The following PROSER2 variants were observed in gnomAD, a reference collection of about 807,000 sequenced individuals.
The protein encoded by PROSER2 is proline and serine rich 2.
PROSER2 carries 18 observed loss-of-function variants against 14.6 expected under a neutral mutation model. The observed-to-expected ratio is 1.23, with a 90% CI of 0.85 to 1.83. The LOEUF is 1.83. Ranked by LOEUF, PROSER2 falls within the 40% of genes most tolerant of loss-of-function variation. The pLI is 0.00. For missense variants in PROSER2, 823 were observed against 629.8 expected, an observed-to-expected ratio of 1.31 and a Z score of -3.28; for synonymous variants, 367 against 286.4, an observed-to-expected ratio of 1.28 and a Z score of -2.84.
At chr10:11,835,298 T>C (rs1833745698) in intron 1 of PROSER2, among the ~76,000 whole-genome samples, 1 of 151,918 alleles carries the variant, frequency 6.6e-6, no homozygotes, top group South Asian at 2.1e-4. Flanking sequence ...GCAACTTTAG[T>C]GTGGTGGGGA....
Position 11,869,378 on chromosome 10 carries a change from C to G in PROSER2, c.392-112C>G. 1.4e-6 allele frequency: 1 copy of G among 740,422 alleles called. No individual in the cohort carries two copies. Among genetic ancestry groups the G allele is most frequent in the Non-Finnish European group, 2.3e-6 (1 of 425,982 alleles). 45.9% of individuals were successfully genotyped at this position (740,422 alleles called of 1,614,324 possible). On this transcript the variant is annotated intron_variant, in intron 3 of 3. Coordinates refer to ENST00000277570, the MANE Select transcript of PROSER2 (RefSeq NM_153256.4). The surrounding 1 kb of genome is among the most constrained non-coding windows in gnomAD (Gnocchi z 4.4). Reference sequence around the variant, plus strand: ...GGAGTTGACTCACAGGCAGCACCGGCGAAGTTGGTGTCAGGTCCAGGTTGA... The same window carrying G: ...GGAGTTGACTCACAGGCAGCACCGGGGAAGTTGGTGTCAGGTCCAGGTTGA...
At chr10:11,852,835 G>A (rs141169209) in intron 2 of PROSER2, among the ~76,000 whole-genome samples, 4,810 of 151,758 alleles carry the variant, frequency 0.032, 114 homozygotes, top group Middle Eastern at 0.048. Flanking sequence ...CAAAGTGCTG[G>A]GATTATAGGC....
intron 1 of PROSER2, among the ~76,000 whole-genome samples, chr10:11,825,217 G>A (rs1833595104): frequency 6.6e-6 from 1 of 150,670 alleles, no homozygotes; most frequent in Non-Finnish European, 1.5e-5. Context: ...GGAAGGGCCT[G>A]CGTAGAGCAG....
rs1472306264 is a variant in PROSER2 at position 11,830,830 on chromosome 10, C to T, written c.-82+7360C>T. 6.6e-6 allele frequency among the ~76,000 whole-genome samples: 1 copy of T among 152,184 alleles called. No individual in the cohort carries two copies. The highest frequency in any genetic ancestry group is 1.5e-5 in the Non-Finnish European group (1 of 68,044). ...TAAAACTGGGTAATGCCTTTGTGCCCACAGGCTTGGATTGACTTGAGGAAT... is the reference window on the plus strand; with the variant it reads ...TAAAACTGGGTAATGCCTTTGTGCCTACAGGCTTGGATTGACTTGAGGAAT... On this transcript the variant is annotated intron_variant, in intron 1 of 3. Coordinates refer to ENST00000277570, the MANE Select transcript of PROSER2 (RefSeq NM_153256.4). This position sits in a 1 kb window ranked among gnomAD's most constrained non-coding sequence, Gnocchi z 4.5.
intron 2 of PROSER2, among the ~76,000 whole-genome samples, chr10:11,857,743 T>TTAA (rs1554767520): frequency 1.5e-4 from 16 of 106,548 alleles, no homozygotes; most frequent in Middle Eastern, 4.5e-3. Context: ...AGACCCCATC[T>TTAA]AAAAAAAAAA....
chr10:11,870,544 A>G lies in PROSER2; in HGVS notation c.*138A>G. 1.4e-6 allele frequency: 1 copy of G among 723,820 alleles called. No individual in the cohort carries two copies. The highest frequency in any genetic ancestry group is 2.1e-6 in the Non-Finnish European group (1 of 481,032). The allele number at this position is 723,820 out of a possible 1,614,324, so 44.8% of individuals were successfully genotyped here. A position where few individuals can be genotyped will look rare whatever the true frequency, so the allele number is the denominator to read the frequency against. Reference sequence around the variant, plus strand: ...TGCCCTCTGTGGCACATCGGAGTCTAGAGGTGCCTGGCTGGGGCCTCCTGG... The same window carrying G: ...TGCCCTCTGTGGCACATCGGAGTCTGGAGGTGCCTGGCTGGGGCCTCCTGG... On this transcript the variant is annotated 3_prime_UTR_variant, in exon 4 of 4. Transcript: ENST00000277570.
Position 11,870,458 on chromosome 10 carries a change from T to G in PROSER2, c.*52T>G. The G allele has an allele frequency of 7.4e-7, 1 of 1,359,256 alleles. No individual in the cohort carries two copies. The highest frequency in any genetic ancestry group is 1.6e-5 in the South Asian group (1 of 62,196). The allele number at this position is 1,359,256 out of a possible 1,614,324, so 84.2% of individuals were successfully genotyped here. Reference sequence around the variant, plus strand: ...GTTTCTCCCCACCCTGAAGAGAGGGTGAAAGAGTCGCTGCACCCAGGAGCT... The same window carrying G: ...GTTTCTCCCCACCCTGAAGAGAGGGGGAAAGAGTCGCTGCACCCAGGAGCT... On this transcript the variant is annotated 3_prime_UTR_variant, in exon 4 of 4. Coordinates refer to ENST00000277570, the MANE Select transcript of PROSER2 (RefSeq NM_153256.4).
intron 2 of PROSER2, among the ~76,000 whole-genome samples, chr10:11,863,274 G>A (rs1834278979): frequency 6.6e-6 from 1 of 152,158 alleles, no homozygotes; most frequent in Admixed American, 6.5e-5. Context: ...GGGCCTGGGA[G>A]TTAGATGCTT....
chr10:11,861,683 A>T (rs1054204994), intron 2 of PROSER2, among the ~76,000 whole-genome samples: 2 of 152,192 alleles, frequency 1.3e-5, no homozygotes, highest in African/African-American at 2.4e-5. Flanking sequence ...GCTTTTGTAA[A>T]TACAGTTCAG....
At chr10:11,853,574 G>A (rs191815483) in intron 2 of PROSER2, among the ~76,000 whole-genome samples, 18 of 152,180 alleles carry the variant, frequency 1.2e-4, no homozygotes, top group Non-Finnish European at 2.4e-4. Context: ...GCGACAGAAC[G>A]AGACTCCATC....
chr10:11,843,621 G>C (rs928813903), intron 1 of PROSER2, among the ~76,000 whole-genome samples: 3 of 151,810 alleles, frequency 2.0e-5, no homozygotes, highest in Non-Finnish European at 2.9e-5. Context: ...GGGAGGCAGA[G>C]GTTGCAGTGA....
Position 11,869,952 on chromosome 10 carries a change from T to C in PROSER2, c.854T>C (p.Val285Ala), listed in dbSNP as rs760520418. The C allele has an allele frequency of 6.9e-7, 1 of 1,459,774 alleles. No individual in the cohort carries two copies. The highest frequency in any genetic ancestry group is 1.4e-5 in the South Asian group (1 of 72,738). 90.4% of individuals were successfully genotyped at this position (1,459,774 alleles called of 1,614,324 possible). The change falls in exon 4 of 4, where the codon GTG becomes GCG. Residue 285 changes from valine to alanine, a missense_variant. By Grantham distance (64) the Val-to-Ala change is moderately conservative (BLOSUM62 0). Coordinates refer to ENST00000277570, the MANE Select transcript of PROSER2 (RefSeq NM_153256.4). The surrounding 1 kb of genome is among the most constrained non-coding windows in gnomAD (Gnocchi z 4.4). ...AVSVQERRAQVLATIHGHAGA... is the reference protein window; with the variant it reads ...AVSVQERRAQALATIHGHAGA... ...AGCGTGCAGGAGCGCAGGGCGCAGG[T>C]GTTGGCCACCATCCACGGCCACGCC...
chr10:11,837,951 G>A lies in PROSER2; in HGVS notation c.-81-14046G>A, dbSNP rs1041701565. ...TCGGACTTCCCTCCTGAATTGCCCC[G>A]GGGTTTCTAGGTGGTGCCTGTCTTT... On this transcript the variant is annotated intron_variant, in intron 1 of 3. Coordinates refer to ENST00000277570, the MANE Select transcript of PROSER2 (RefSeq NM_153256.4). This position sits in a 1 kb window ranked among gnomAD's most constrained non-coding sequence, Gnocchi z 4.6. 6.6e-6 allele frequency among the ~76,000 whole-genome samples: 1 copy of A among 151,822 alleles called. No individual in the cohort carries two copies. The highest frequency in any genetic ancestry group is 2.4e-5 in the African/African-American group (1 of 41,300).
At chr10:11,833,291 G>T (rs1833713877) in intron 1 of PROSER2, among the ~76,000 whole-genome samples, 1 of 117,778 alleles carries the variant, frequency 8.5e-6, no homozygotes, top group Non-Finnish European at 1.6e-5. Context: ...CACACCTGTA[G>T]TCCCAACTCG....
intron 3 of PROSER2, among the ~76,000 whole-genome samples, chr10:11,868,127 T>C (rs936489210): frequency 1.3e-5 from 2 of 152,236 alleles, no homozygotes; most frequent in African/African-American, 4.8e-5. Context: ...TCTTTTTTAC[T>C]GTACTTCTGC....
chr10:11,826,129 G>C (rs1036916420), intron 1 of PROSER2, among the ~76,000 whole-genome samples: 9 of 152,098 alleles, frequency 5.9e-5, no homozygotes, highest in Admixed American at 3.9e-4. Flanking sequence ...CTTAAAATCT[G>C]TGGCCTCTTG....
chr10:11,854,311 C>G (rs1310303734), intron 2 of PROSER2, among the ~76,000 whole-genome samples: 1 of 152,154 alleles, frequency 6.6e-6, no homozygotes, highest in Non-Finnish European at 1.5e-5. Context: ...AAGTGGTTTT[C>G]TGTTGTTTTT....
chr10:11,851,075 G>A (rs1426235938), intron 1 of PROSER2: 1 of 152,414 alleles, frequency 6.6e-6, no homozygotes, highest in African/African-American at 2.4e-5. Context: ...AATAAGCTGG[G>A]TGTGGTAGTG....
At chr10:11,832,797 A>C (rs561829026) in intron 1 of PROSER2, among the ~76,000 whole-genome samples, 2 of 145,040 alleles carry the variant, frequency 1.4e-5, no homozygotes, top group Non-Finnish European at 3.0e-5. Flanking sequence ...TTTAGATCCA[A>C]GGTCTGTTTT....
Sources: gnomAD v4.1 joint callset for allele counts (sites outside exome capture counted in the v4.1 genomes callset) on GRCh38, gnomAD v4.1.1 for gene constraint, Gnocchi (gnomAD v3.1) non-coding constraint, MANE v1.5 for transcripts, NCBI Gene and HGNC (gene_info 2026-07-23, HGNC 2026-07-21) for gene names.